Variants in NAALADL2 observed in about 807,000 individuals in gnomAD.
NAALADL2 encodes the protein inactive N-acetylated-alpha-linked acidic dipeptidase-like protein 2.
NAALADL2 carries 76 observed loss-of-function variants against 87.2 expected under a neutral mutation model. The ratio of observed to expected loss-of-function variants is 0.87; its 90% CI spans 0.72 to 1.05. The LOEUF is 1.05. Among genes scored for constraint, NAALADL2 ranks in the 50% least tolerant of loss-of-function variants. The probability of loss-of-function intolerance (pLI) is 0.00; values close to 1 mark genes in which losing one functional copy is unlikely to be tolerated. For synonymous variants in NAALADL2, 354 were observed against 331.0 expected, an observed-to-expected ratio of 1.07 and a Z score of -0.75; for missense variants, 1,089 against 945.8, an observed-to-expected ratio of 1.15 and a Z score of -1.99.
chr3:175,766,903 C>T (rs1427248809), intron 13 of NAALADL2, among the ~76,000 whole-genome samples: 1 of 152,036 alleles, frequency 6.6e-6, no homozygotes, highest in Non-Finnish European at 1.5e-5. Context: ...GAAAGTAGAT[C>T]TGTAAGCCAC....
chr3:174,746,503 G>C (rs1734267811), intron 3 of NAALADL2, among the ~76,000 whole-genome samples: 1 of 151,966 alleles, frequency 6.6e-6, no homozygotes, highest in South Asian at 2.1e-4. Context: ...TAGCCATACT[G>C]CCCAAAGTAA....
Position 174,455,209 on chromosome 3 carries a change from C to G in NAALADL2, c.-184+14177C>G, listed in dbSNP as rs372080951. 1.9e-4 allele frequency among the ~76,000 whole-genome samples: 29 copies of G among 152,224 alleles called. 1 individual carries two copies. The East Asian group carries it at 3.1e-3, about 16-fold the overall frequency. On this transcript the variant is annotated intron_variant, in intron 1 of 3. Transcript: ENST00000434257. The stretch of plus-strand genomic sequence containing the variant: ...AGTGAATCCCTGAACAGACCAATAA[C>G]AAGCTCTGAAAGTGTATCAGTAATA...
At position 175,128,931 on chromosome 3, in the gene NAALADL2, TTTTG is replaced by T. The variant is rs372616563; in HGVS notation, c.545+31660_545+31663del. On this transcript the variant is annotated intron_variant, in intron 2 of 13. Coordinates refer to ENST00000454872, the MANE Select transcript of NAALADL2 (RefSeq NM_207015.3). ...GATTGTGTACTAGTTACCAATTTTT[TTTTG>T]TTTGTTTGTTTGTTTGTTTTTGAGA... is the stretch of plus-strand genomic sequence containing the variant. 5.5e-3 allele frequency among the ~76,000 whole-genome samples: 828 copies of T among 151,604 alleles called. 21 individuals carry two copies. Among genetic ancestry groups the T allele is most frequent in the Middle Eastern group, 6.8e-3 (2 of 292 alleles).
At chr3:175,460,580 ATCCT>A (rs1376635873) in intron 6 of NAALADL2, among the ~76,000 whole-genome samples, 1 of 152,200 alleles carries the variant, frequency 6.6e-6, no homozygotes, top group Non-Finnish European at 1.5e-5. Context: ...ATAATTTGAA[ATCCT>A]TCCATACAAA....
chr3:174,800,907 G>T (rs1458860456), intron 3 of NAALADL2, among the ~76,000 whole-genome samples: 1 of 152,182 alleles, frequency 6.6e-6, no homozygotes, highest in Non-Finnish European at 1.5e-5. Context: ...CTTGCATGGG[G>T]CTTGTAGCCC....
chr3:175,632,791 G>A (rs1402638481), intron 11 of NAALADL2, among the ~76,000 whole-genome samples: 3 of 152,152 alleles, frequency 2.0e-5, no homozygotes, highest in South Asian at 4.1e-4. Flanking sequence ...CATCAAGGAG[G>A]CTGTTGAATA....
chr3:175,433,993 A>T (rs1317540317), intron 5 of NAALADL2, among the ~76,000 whole-genome samples: 3 of 151,924 alleles, frequency 2.0e-5, no homozygotes, highest in Non-Finnish European at 4.4e-5. Flanking sequence ...ATCTTCTCTC[A>T]CTATATACCA....
chr3:174,444,700 C>G (rs1577926523), intron 1 of NAALADL2, among the ~76,000 whole-genome samples: 1 of 152,158 alleles, frequency 6.6e-6, no homozygotes, highest in East Asian at 1.9e-4. Context: ...ATCAAACAAA[C>G]TCTTTTCTGT....
chr3:175,206,575 GC>G (rs1260124214), intron 2 of NAALADL2, among the ~76,000 whole-genome samples: 1 of 151,688 alleles, frequency 6.6e-6, no homozygotes, highest in African/African-American at 2.4e-5. Flanking sequence ...TGGGAGGGGG[GC>G]GAAGGATAAA....
At chr3:175,570,853 C>G (rs1717962533) in intron 9 of NAALADL2, among the ~76,000 whole-genome samples, 1 of 140,894 alleles carries the variant, frequency 7.1e-6, no homozygotes, top group Admixed American at 7.4e-5. Context: ...GCACTCCAGC[C>G]TGGGTGACAT....
intron 1 of NAALADL2, among the ~76,000 whole-genome samples, chr3:174,883,189 A>AG (rs111957723): frequency 0.016 from 2,447 of 151,968 alleles, 68 homozygotes; most frequent in African/African-American, 0.057. Flanking sequence ...ACCCAGATTA[A>AG]GGGGGGGTCT....
At chr3:175,434,777 G>A (rs1282144001) in intron 5 of NAALADL2, among the ~76,000 whole-genome samples, 3 of 151,852 alleles carry the variant, frequency 2.0e-5, no homozygotes, top group Non-Finnish European at 4.4e-5. Context: ...GCTTCTCAGG[G>A]GAATGCCTCT....
chr3:174,886,613 G>A (rs1730184863), intron 1 of NAALADL2, among the ~76,000 whole-genome samples: 2 of 152,076 alleles, frequency 1.3e-5, no homozygotes, highest in African/African-American at 4.8e-5. Flanking sequence ...CATTTTTACT[G>A]GAATAGCTAT....
intron 1 of NAALADL2, among the ~76,000 whole-genome samples, chr3:175,010,974 G>A (rs1749698518): frequency 6.6e-6 from 1 of 152,046 alleles, no homozygotes. Flanking sequence ...GTAATAAAGA[G>A]ATTACCATCT....
At chr3:174,661,767 T>C (rs1479552666) in intron 2 of NAALADL2, among the ~76,000 whole-genome samples, 1 of 152,140 alleles carries the variant, frequency 6.6e-6, no homozygotes, top group East Asian at 1.9e-4. Flanking sequence ...TATTCCACAC[T>C]CTGTGTCCAT....
chr3:174,572,109 T>C (rs75380814), intron 2 of NAALADL2, among the ~76,000 whole-genome samples: 1 of 152,154 alleles, frequency 6.6e-6, no homozygotes, highest in Non-Finnish European at 1.5e-5. Context: ...CCTTTTCCTC[T>C]TTCTCTTCTT....
At chr3:174,561,324 C>T (rs915160962) in intron 2 of NAALADL2, among the ~76,000 whole-genome samples, 47 of 151,650 alleles carry the variant, frequency 3.1e-4, no homozygotes, top group African/African-American at 1.0e-3. Flanking sequence ...CTCAGCCCTC[C>T]GAGTAGCTGG....
At chr3:174,599,113 C>T (rs986183965) in intron 2 of NAALADL2, among the ~76,000 whole-genome samples, 4 of 152,152 alleles carry the variant, frequency 2.6e-5, no homozygotes, top group African/African-American at 9.7e-5. Context: ...CCATACACTC[C>T]ATTAAGTTTC....
intron 2 of NAALADL2, among the ~76,000 whole-genome samples, chr3:175,167,788 C>T (rs1455710847): frequency 6.6e-6 from 1 of 152,022 alleles, no homozygotes; most frequent in African/African-American, 2.4e-5. Flanking sequence ...TTTCTCAGGC[C>T]AGACTTTCCA....
Sources: allele counts gnomAD v4.1 joint callset (sites outside exome capture counted in the v4.1 genomes callset), GRCh38; gene constraint gnomAD v4.1.1; transcripts MANE v1.5; gene names NCBI Gene and HGNC (gene_info 2026-07-23, HGNC 2026-07-21).